The following ZSCAN29 variants were observed in gnomAD, a reference collection of about 807,000 sequenced individuals.
ZSCAN29 encodes the protein zinc finger and SCAN domain-containing protein 29.
A neutral mutation model predicts 71.9 loss-of-function variants in ZSCAN29; 55 were observed. The ratio of observed to expected loss-of-function variants is 0.76; its 90% CI spans 0.62 to 0.96. ZSCAN29 has a LOEUF of 0.96. Among genes scored for constraint, ZSCAN29 ranks in the 40% least tolerant of loss-of-function variants. The pLI, the probability that ZSCAN29 is intolerant of heterozygous loss-of-function variation, is 0.00. For synonymous variants in ZSCAN29, 351 were observed against 371.6 expected (o/e 0.94, Z 0.64); for missense variants, 1,042 against 1,042.2 (o/e 1.00, Z 0.00).
At position 43,369,768 on chromosome 15, in the gene ZSCAN29, G is replaced by A; in HGVS notation, c.146C>T (p.Pro49Leu). Reference sequence around the variant, plus strand: ...AATCTGCTCCTTGGTGCGCACCTCCGGCCTTAGCCACCGACAGCAAAGTTC... The same window carrying A: ...AATCTGCTCCTTGGTGCGCACCTCCAGCCTTAGCCACCGACAGCAAAGTTC... ...LWELCCRWLR[P>L]EVRTKEQIVE... The change falls in exon 2 of 6, where the codon CCG becomes CTG. Residue 49 changes from proline (P) to leucine (L), a missense_variant. Pro to Leu is a moderately conservative substitution (Grantham distance 98). Transcript: ENST00000684362. The A allele has an allele frequency of 6.2e-7, 1 of 1,614,202 alleles. No homozygotes were observed. The highest frequency in any genetic ancestry group is 8.5e-7 in the Non-Finnish European group (1 of 1,180,046).
Position 43,364,598 on chromosome 15 carries a change from TTC to T in ZSCAN29, c.1223-218_1223-217del, listed in dbSNP as rs1348946963. 35 of 637,230 alleles carry T rather than the reference TTC, an allele frequency of 5.5e-5. 1 individual carries two copies. In the African/African-American group the frequency reaches 5.8e-4, roughly 11 times the overall value. The allele number at this position is 637,230 out of a possible 1,614,324, so 39.5% of individuals were successfully genotyped here. The stretch of plus-strand genomic sequence containing the variant: ...TTTCACAGAGACCTTTATTTACAAA[TTC>T]TGTTTAGCCATATAAAAAAGAAGCT... On this transcript the variant is annotated intron_variant, in intron 4 of 5. Transcript: ENST00000684362.
Sources: allele counts gnomAD v4.1 joint callset, GRCh38; gene constraint gnomAD v4.1.1; transcripts MANE v1.5; gene names NCBI Gene and HGNC (gene_info 2026-07-23, HGNC 2026-07-21).